Variants in CAMTA1 observed in about 807,000 individuals in gnomAD.
CAMTA1 encodes the protein calmodulin-binding transcription activator 1.
In CAMTA1, 27 loss-of-function variants were observed where a neutral mutation model predicts 170.9. The observed-to-expected ratio is 0.16, with a 90% CI of 0.12 to 0.22. CAMTA1 has a LOEUF of 0.22. CAMTA1 is among the 10% of genes least tolerant of loss of function. CAMTA1 has a pLI of 1.00. For missense variants in CAMTA1, 1,619 were observed against 2,217.2 expected (o/e 0.73, Z 5.42); for synonymous variants, 833 against 891.5 (o/e 0.93, Z 1.17).
chr1:7,103,116 G>A (rs1161811843), intron 4 of CAMTA1, among the ~76,000 whole-genome samples: 1 of 151,806 alleles, frequency 6.6e-6, no homozygotes, highest in Non-Finnish European at 1.5e-5. Flanking sequence ...GCTGCGGGGT[G>A]CAGTGGGGGT....
intron 4 of CAMTA1, among the ~76,000 whole-genome samples, chr1:7,226,620 C>G (rs780805550): frequency 6.6e-6 from 1 of 152,120 alleles, no homozygotes; most frequent in African/African-American, 2.4e-5. Flanking sequence ...CGGACTTTTC[C>G]TTATGTACAC....
chr1:7,156,741 T>A (rs1646908713), intron 4 of CAMTA1, among the ~76,000 whole-genome samples: 1 of 152,226 alleles, frequency 6.6e-6, no homozygotes, highest in African/African-American at 2.4e-5. Context: ...GACATTTAAT[T>A]TTATGGCAAG....
intron 4 of CAMTA1, among the ~76,000 whole-genome samples, chr1:7,161,410 T>C (rs1275768712): frequency 1.3e-5 from 2 of 152,230 alleles, no homozygotes; most frequent in African/African-American, 4.8e-5. Flanking sequence ...AGGGCTGATA[T>C]GGTTTGGCTG....
intron 5 of CAMTA1, among the ~76,000 whole-genome samples, chr1:7,375,358 C>T (rs1303362780): frequency 6.6e-6 from 1 of 152,148 alleles, no homozygotes; most frequent in Non-Finnish European, 1.5e-5. Flanking sequence ...CCGAAACCAC[C>T]ATTGGCCACA....
rs557304126 is a variant in CAMTA1, at chr1:6,866,722, T to C, written c.234+41512T>C. Among the ~76,000 whole-genome samples the C allele has an allele frequency of 3.3e-3, 498 of 152,330 alleles. 4 individuals are homozygous for C. The highest frequency in any genetic ancestry group is 5.0e-3 in the Non-Finnish European group (343 of 68,036). ...TCTAAAGCTGATTTCAGATAGTCTC[T>C]TTTTAGCGAAACTATGTCAGACTGT... On this transcript the variant is annotated intron_variant, in intron 3 of 22. Coordinates refer to ENST00000303635, the MANE Select transcript of CAMTA1 (RefSeq NM_015215.4).
At chr1:7,744,128 CTTTTT>C (rs60348958) in intron 16 of CAMTA1, among the ~76,000 whole-genome samples, 9 of 84,256 alleles carry the variant, frequency 1.1e-4, no homozygotes, top group Admixed American at 3.1e-4. Context: ...CGCCTGGCCT[CTTTTT>C]TTTTTTTTTT....
Position 7,736,398 on chromosome 1 carries a change from G to T in CAMTA1, c.3121G>T (p.Val1041Leu), listed in dbSNP as rs755651456. 1.2e-6 allele frequency: 2 copies of T among 1,614,012 alleles called. No homozygotes were observed. The highest frequency in any genetic ancestry group is 2.2e-5 in the East Asian group (1 of 44,886). ...CTGCTTTGAGAGCCGTGTGGTCGTG[G>T]TATGCGAGAAGATGATGAGCCGAGC... ...GSCFESRVVV[V>L]CEKMMSRACW... is the part of the protein sequence containing the mutation. The change falls in exon 13 of 23, where the codon GTA becomes TTA. Residue 1041 changes from valine (V) to leucine (L), a missense_variant. Val to Leu is a conservative substitution (Grantham distance 32). Coordinates refer to ENST00000303635, the MANE Select transcript of CAMTA1 (RefSeq NM_015215.4). The surrounding 1 kb of genome is among the most constrained non-coding windows in gnomAD (Gnocchi z 4.5).
At chr1:7,530,000 C>T (rs191301229) in intron 6 of CAMTA1, among the ~76,000 whole-genome samples, 3 of 152,326 alleles carry the variant, frequency 2.0e-5, no homozygotes, top group Admixed American at 1.3e-4. Flanking sequence ...CCCCTGCCAC[C>T]GACCAGGAGC....
intron 11 of CAMTA1, among the ~76,000 whole-genome samples, chr1:7,728,740 A>G (rs559570524): frequency 1.3e-5 from 2 of 152,356 alleles, no homozygotes; most frequent in South Asian, 4.1e-4. Flanking sequence ...CTAACTGAAG[A>G]GTCAACTTCT....
chr1:7,535,942 C>T (rs2150074060), intron 6 of CAMTA1, among the ~76,000 whole-genome samples: 1 of 152,358 alleles, frequency 6.6e-6, no homozygotes, highest in South Asian at 2.1e-4. Context: ...TGAATCAGAA[C>T]AAAATGCACT....
intron 4 of CAMTA1, among the ~76,000 whole-genome samples, chr1:7,243,141 A>G (rs1474347388): frequency 6.6e-6 from 1 of 152,118 alleles, no homozygotes; most frequent in East Asian, 1.9e-4. Flanking sequence ...AAGATATAAA[A>G]CTTTTCTCAT....
chr1:7,104,548 G>A (rs1573079755), intron 4 of CAMTA1, among the ~76,000 whole-genome samples: 2 of 152,284 alleles, frequency 1.3e-5, no homozygotes, highest in South Asian at 2.1e-4. Context: ...GATCCCCAGA[G>A]GCTCCAAGCA....
At chr1:7,241,370 C>T (rs1405928411) in intron 4 of CAMTA1, among the ~76,000 whole-genome samples, 1 of 152,226 alleles carries the variant, frequency 6.6e-6, no homozygotes, top group Non-Finnish European at 1.5e-5. Context: ...TGGCAATTCT[C>T]TCAAAATTGA....
At chr1:7,294,245 T>C (rs1010404225) in intron 5 of CAMTA1, among the ~76,000 whole-genome samples, 4 of 152,140 alleles carry the variant, frequency 2.6e-5, no homozygotes, top group Non-Finnish European at 4.4e-5. Flanking sequence ...TGTGGCCCTT[T>C]CAGGGGTTTA....
At chr1:7,385,452 C>T (rs933440431) in intron 5 of CAMTA1, among the ~76,000 whole-genome samples, 3 of 152,174 alleles carry the variant, frequency 2.0e-5, no homozygotes, top group African/African-American at 2.4e-5. Context: ...GTTTGAATAG[C>T]GTCTCTGCAG....
At position 7,026,351 on chromosome 1, in the gene CAMTA1, G is replaced by C. The variant is rs116496774; in HGVS notation, c.235-64953G>C. ...CATCATGATATTCCTATATGTCCAGGGGGGGAGTCATCCGTGGCACGGCCT... is the reference window on the plus strand; with the variant it reads ...CATCATGATATTCCTATATGTCCAGCGGGGGAGTCATCCGTGGCACGGCCT... On this transcript the variant is annotated intron_variant, in intron 3 of 22. Coordinates refer to ENST00000303635, the MANE Select transcript of CAMTA1 (RefSeq NM_015215.4). Among the ~76,000 whole-genome samples the C allele has an allele frequency of 5.1e-3, 772 of 151,728 alleles. 9 individuals are homozygous for C. The highest frequency in any genetic ancestry group is 0.018 in the African/African-American group (744 of 41,102).
chr1:7,256,385 C>T (rs1667368016), intron 5 of CAMTA1, among the ~76,000 whole-genome samples: 1 of 152,056 alleles, frequency 6.6e-6, no homozygotes, highest in Non-Finnish European at 1.5e-5. Context: ...TGGTGAAACC[C>T]CGTCTCTACT....
intron 4 of CAMTA1, chr1:7,219,602 ATC>A (rs1660383795): frequency 6.7e-6 from 1 of 148,808 alleles, no homozygotes; most frequent in African/African-American, 2.5e-5. Flanking sequence ...TGGACTGAAT[ATC>A]TGTGTTTCTC....
chr1:6,876,448 C>T (rs934009268), intron 3 of CAMTA1, among the ~76,000 whole-genome samples: 5 of 151,974 alleles, frequency 3.3e-5, no homozygotes, highest in Admixed American at 6.6e-5. Flanking sequence ...TGCAAACCTC[C>T]GCCTTCTGGG....
Sources: allele counts gnomAD v4.1 joint callset (sites outside exome capture counted in the v4.1 genomes callset), GRCh38; gene constraint gnomAD v4.1.1; non-coding constraint Gnocchi (gnomAD v3.1); transcripts MANE v1.5; gene names NCBI Gene and HGNC (gene_info 2026-07-23, HGNC 2026-07-21).